Variants in KLK1 observed in about 807,000 individuals in gnomAD.
The protein encoded by KLK1 is kallikrein 1.
A neutral mutation model predicts 23.3 loss-of-function variants in KLK1; 22 were observed. The ratio of observed to expected loss-of-function variants is 0.95; its 90% CI spans 0.68 to 1.35. The LOEUF (loss-of-function observed/expected upper bound fraction) is 1.35, where lower values mean the gene tolerates loss of function less well. Among genes scored for constraint, KLK1 ranks in the 40% most tolerant of loss-of-function variants. The pLI is 0.00. For missense variants in KLK1, 301 were observed against 338.9 expected (o/e 0.89, Z 0.88); for synonymous variants, 140 against 135.8 (o/e 1.03, Z -0.21).
intron 1 of KLK1, among the ~76,000 whole-genome samples, chr19:50,823,494 G>A (rs3212856): frequency 0.017 from 2,596 of 152,120 alleles, 45 homozygotes; most frequent in Non-Finnish European, 0.023. Context: ...GTGGGAGTGA[G>A]CACTATGACA....
At chr19:50,823,076 G>T (rs2089837785) in intron 1 of KLK1, 1 of 184,904 alleles carries the variant, frequency 5.4e-6, no homozygotes, top group Non-Finnish European at 1.0e-5. Flanking sequence ...GGTGCTGGGT[G>T]GGAAGGGACA....
rs771390006 is a variant in KLK1 at position 50,820,181 on chromosome 19, C to T, written c.469G>A (p.Gly157Ser). The change falls in exon 3 of 5, where the codon GGC becomes AGC. Residue 157 changes from glycine to serine, a missense_variant. Coordinates refer to ENST00000301420, the MANE Select transcript of KLK1 (RefSeq NM_002257.4). ...PEVGSTCLAS[G>S]WGSIEPENFS... is the part of the protein sequence containing the mutation. ...TTCTCTGGTTCGATGCTGCCCCAGC[C>T]GGAAGCCAAACAGGTGCTCCCCACT... 244 of 1,605,818 alleles carry T rather than the reference C, an allele frequency of 1.5e-4. No individual in the cohort carries two copies. The highest frequency in any genetic ancestry group is 1.8e-4 in the Non-Finnish European group (209 of 1,174,120).
chr19:50,823,129 C>G (rs2089838306), intron 1 of KLK1, among the ~76,000 whole-genome samples: 1 of 151,920 alleles, frequency 6.6e-6, no homozygotes, highest in African/African-American at 2.4e-5. Flanking sequence ...TCCCACATGC[C>G]AGTTTGGGAA....
rs1239970471 is a variant in KLK1, at chr19:50,820,288, A to G, written c.362T>C (p.Leu121Pro). 6.2e-7 allele frequency: 1 copy of G among 1,613,918 alleles called. No homozygotes were observed. Among genetic ancestry groups the G allele is most frequent in the East Asian group, 2.2e-5 (1 of 44,852 alleles). Residue 121 changes from leucine (L) to proline (P), a missense_variant, in exon 3 of 5, where the codon CTC (leucine) becomes CCC (proline). Transcript: ENST00000301420. The stretch of plus-strand genomic sequence containing the variant: ...AGGCTCTGTCAGGCGGAGCAGCATG[A>G]GGTCGTGGCTGTAGTCCTCGTCTGC... Reference protein sequence around the residue: ...RQADEDYSHDLMLLRLTEPAD... With the variant: ...RQADEDYSHDPMLLRLTEPAD...
Position 50,819,234 on chromosome 19 carries a change from T to TA in KLK1, c.748dup (p.Tyr250LeufsTer?), listed in dbSNP as rs778106467. 6.2e-7 allele frequency: 1 copy of TA among 1,614,098 alleles called. No individual in the cohort carries two copies. The highest frequency in any genetic ancestry group is 1.1e-5 in the South Asian group (1 of 91,080). On this transcript the variant is annotated frameshift_variant, in exon 5 of 5. Transcript: ENST00000301420. LOFTEE classifies it low-confidence loss of function (END_TRUNC). ...TATGGTGTCCTCGATCCACTTCACATAAGACAGCACTCTGACGGCGACAGA... is the reference window on the plus strand; with the variant it reads ...TATGGTGTCCTCGATCCACTTCACATAAAGACAGCACTCTGACGGCGACAGA...
chr19:50,821,631 T>C lies in KLK1; in HGVS notation c.206+81A>G. On this transcript the variant is annotated intron_variant, in intron 2 of 4. Transcript: ENST00000301420. The surrounding 1 kb of genome is among the most constrained non-coding windows in gnomAD (Gnocchi z 5.6). Reference sequence around the variant, plus strand: ...CTCAGCCCCCCAGTCTTGCCTGAGGTTATCCAAGGGGAATGCCACTGGCCT... The same window carrying C: ...CTCAGCCCCCCAGTCTTGCCTGAGGCTATCCAAGGGGAATGCCACTGGCCT... 6 of 1,460,206 alleles carry C rather than the reference T, an allele frequency of 4.1e-6. No homozygotes were observed. The South Asian group carries it at 7.2e-5, about 18-fold the overall frequency. 90.5% of individuals were successfully genotyped at this position (1,460,206 alleles called of 1,614,324 possible). A position where few individuals can be genotyped will look rare whatever the true frequency, so the allele number is the denominator to read the frequency against.
intron 2 of KLK1, 60 bp from the exon 3 acceptor site, chr19:50,820,503 GGGGAGC>G: frequency 1.1e-6 from 1 of 922,046 alleles, no homozygotes; most frequent in Non-Finnish European, 1.6e-6. Context: ...GGATGGGGCA[GGGGAGC>G]ATGGGGGAGG....
intron 2 of KLK1, 80 bp from the exon 3 acceptor site, chr19:50,820,523 C>A (rs2089820775): frequency 4.3e-6 from 4 of 936,406 alleles, no homozygotes; most frequent in South Asian, 1.6e-5. Context: ...GGGGAGGGTC[C>A]CCAAAGAGAG....
chr19:50,820,181 CG>C lies in KLK1; in HGVS notation c.468del (p.Gly157AlafsTer37). ...EPEVGSTCLASGWGSIEPENF... is the reference protein window; with the variant it reads ...EPEVGSTCLAXGWGSIEPENF... ...TTCTCTGGTTCGATGCTGCCCCAGCCGGAAGCCAAACAGGTGCTCCCCACTT... is the reference window on the plus strand; with the variant it reads ...TTCTCTGGTTCGATGCTGCCCCAGCCGAAGCCAAACAGGTGCTCCCCACTT... On this transcript the variant is annotated frameshift_variant, in exon 3 of 5. Transcript: ENST00000301420. LOFTEE classifies it high-confidence loss of function. The C allele has an allele frequency of 6.2e-7, 1 of 1,605,936 alleles. No individual in the cohort carries two copies. Among genetic ancestry groups the C allele is most frequent in the Non-Finnish European group, 8.5e-7 (1 of 1,174,112 alleles).
chr19:50,820,058 G>T (rs2089813350), intron 3 of KLK1, 23 bp from the exon 4 acceptor site: 1 of 1,613,736 alleles, frequency 6.2e-7, no homozygotes, highest in Admixed American at 1.7e-5. Flanking sequence ...GAGAAAAAGG[G>T]CTGCAGCCCG....
intron 4 of KLK1, 113 bp from the exon 5 acceptor site, chr19:50,819,462 G>T: frequency 9.2e-7 from 1 of 1,087,278 alleles, no homozygotes. Flanking sequence ...AGAGGAAGGT[G>T]GGCAGGGATT....
chr19:50,820,970 G>A (rs1040553769), intron 2 of KLK1: 2 of 151,942 alleles, frequency 1.3e-5, no homozygotes, highest in African/African-American at 2.4e-5. Flanking sequence ...GGTGGGGGCA[G>A]GTAGGGAGGA....
intron 2 of KLK1, chr19:50,820,694 A>C: frequency 1.2e-4 from 44 of 354,802 alleles, no homozygotes; most frequent in Middle Eastern, 7.5e-4. Flanking sequence ...GGGGTGAAAA[A>C]GGCGGAGGGG....
rs185046443 is a variant in KLK1, at chr19:50,819,712, G to C, written c.633+187C>G. On this transcript the variant is annotated intron_variant, in intron 4 of 4. Transcript: ENST00000301420. ...CACGAGGAACGGTGAACTCTGGTGT[G>C]GGGGGTGAGATGCAGTTGTCCCTGG... is the stretch of plus-strand genomic sequence containing the variant. Among the ~76,000 whole-genome samples the C allele has an allele frequency of 5.8e-3, 887 of 152,246 alleles. 6 individuals are homozygous for C. Among genetic ancestry groups the C allele is most frequent in the Non-Finnish European group, 9.5e-3 (643 of 67,996 alleles).
intron 2 of KLK1, 73 bp from the exon 3 acceptor site, chr19:50,820,516 G>GGGGGGGGGGGGA: frequency 2.1e-6 from 1 of 483,978 alleles, no homozygotes. Context: ...GAGCATGGGG[G>GGGGGGGGGGGGA]AGGGTCCCCA....
rs143820692 is a variant in KLK1 at position 50,823,694 on chromosome 19, C to T, written c.46+9G>A. On this transcript the variant is annotated intron_variant, in intron 1 of 4. Coordinates refer to ENST00000301420, the MANE Select transcript of KLK1 (RefSeq NM_002257.4). ...CCGTTCCCCCTCCCACATCCCCCCA[C>T]TGTCTCACCAGTCCCCCCCAGGGAC... The T allele has an allele frequency of 0.025, 39,551 of 1,588,730 alleles. 667 individuals are homozygous for T. Among genetic ancestry groups the T allele is most frequent in the South Asian group, 0.048 (4,303 of 89,908 alleles).
chr19:50,823,743 C>A lies in KLK1; in HGVS notation c.6G>T (p.Trp2Cys). 1 of 1,611,142 alleles carries A rather than the reference C, an allele frequency of 6.2e-7. No homozygotes were observed. Among genetic ancestry groups the A allele is most frequent in the Non-Finnish European group, 8.5e-7 (1 of 1,177,890 alleles). The change falls in exon 1 of 5, where the codon TGG becomes TGT. Residue 2 changes from tryptophan to cysteine, a missense_variant. Coordinates refer to ENST00000301420, the MANE Select transcript of KLK1 (RefSeq NM_002257.4). M[W>C]FLVLCLALSL... ...ACAGGGCGAGGCACAGAACCAGGAA[C>A]CACATGGTGACAGAGGTGTCCAGGG...
At chr19:50,822,116 G>A in intron 1 of KLK1, 1 of 1,296,770 alleles carries the variant, frequency 7.7e-7, no homozygotes, top group African/African-American at 1.5e-5. Flanking sequence ...CAGCCTCCAG[G>A]GATCAGGGTA....
At position 50,823,724 on chromosome 19, in the gene KLK1, C is replaced by T. The variant is rs148159697; in HGVS notation, c.25G>A (p.Ala9Thr). 101 of 1,610,038 alleles carry T rather than the reference C, an allele frequency of 6.3e-5. No homozygotes were observed. In the East Asian group the frequency reaches 9.6e-4, roughly 15 times the overall value. The change falls in exon 1 of 5, where the codon GCC becomes ACC. Residue 9 changes from alanine to threonine, a missense_variant. Coordinates refer to ENST00000301420, the MANE Select transcript of KLK1 (RefSeq NM_002257.4). MWFLVLCL[A>T]LSLGGTGAAP... ...TCACCAGTCCCCCCCAGGGACAGGG[C>T]GAGGCACAGAACCAGGAACCACATG...
Sources: allele counts gnomAD v4.1 joint callset (sites outside exome capture counted in the v4.1 genomes callset), GRCh38; gene constraint gnomAD v4.1.1; non-coding constraint Gnocchi (gnomAD v3.1); transcripts MANE v1.5; gene names NCBI Gene and HGNC (gene_info 2026-07-23, HGNC 2026-07-21).